The following ASCC3 variants were observed in gnomAD, a reference collection of about 807,000 sequenced individuals.
ASCC3 encodes the protein activating signal cointegrator 1 complex subunit 3.
ASCC3 carries 158 observed loss-of-function variants against 256.3 expected under a neutral mutation model. That is an observed-to-expected ratio of 0.62 (90% confidence interval 0.54 to 0.70). The LOEUF (loss-of-function observed/expected upper bound fraction) is 0.70. ASCC3 is among the 30% of genes least tolerant of loss of function. The pLI is 0.00. For synonymous variants in ASCC3, 948 were observed against 883.4 expected (o/e 1.07, Z -1.30); for missense variants, 2,259 against 2,626.0 (o/e 0.86, Z 3.05).
chr6:100,845,995 T>C (rs916278707), intron 4 of ASCC3, among the ~76,000 whole-genome samples: 4 of 152,148 alleles, frequency 2.6e-5, no homozygotes, highest in African/African-American at 9.6e-5. Flanking sequence ...GCACACAGCA[T>C]GCTACATAAA....
chr6:100,584,641 T>G (rs967010350), intron 36 of ASCC3, among the ~76,000 whole-genome samples: 6 of 152,124 alleles, frequency 3.9e-5, no homozygotes, highest in East Asian at 1.9e-4. Flanking sequence ...GTTAGCTGGT[T>G]ATTTTGCTCA....
intron 32 of ASCC3, among the ~76,000 whole-genome samples, chr6:100,606,368 A>G (rs1160708684): frequency 6.6e-6 from 1 of 152,120 alleles, no homozygotes; most frequent in South Asian, 2.1e-4. Context: ...TGGAGGTATC[A>G]TTTCTAGTGA....
Position 100,650,497 on chromosome 6 carries a change from T to C in ASCC3, c.3252+41A>G, listed in dbSNP as rs2273568. ...AATTAACACCTTGGTCCTCTAAATA[T>C]ATTCAAGGAAGAGAAAACTGGAAGG... is the stretch of plus-strand genomic sequence containing the variant. On this transcript the variant is annotated intron_variant, in intron 20 of 41. Transcript: ENST00000369162. 1.7e-3 allele frequency: 2,707 copies of C among 1,594,880 alleles called. 92 individuals are homozygous for C. The East Asian group carries it at 0.054, about 32-fold the overall frequency.
chr6:100,640,473 G>T (rs989142670), intron 24 of ASCC3, among the ~76,000 whole-genome samples: 12 of 151,992 alleles, frequency 7.9e-5, no homozygotes, highest in Admixed American at 5.9e-4. Flanking sequence ...TATAAATAGG[G>T]TGATACATTC....
intron 36 of ASCC3, among the ~76,000 whole-genome samples, chr6:100,573,844 C>G (rs1195926235): frequency 6.6e-6 from 1 of 152,024 alleles, no homozygotes; most frequent in Non-Finnish European, 1.5e-5. Context: ...CTTATATAAA[C>G]CCAATAAAGA....
intron 17 of ASCC3, among the ~76,000 whole-genome samples, chr6:100,653,880 C>G (rs1046070142): frequency 1.3e-5 from 2 of 151,824 alleles, no homozygotes; most frequent in African/African-American, 4.8e-5. Flanking sequence ...TTAAGGAACA[C>G]TCTGTAGTCA....
intron 3 of ASCC3, among the ~76,000 whole-genome samples, chr6:100,850,144 A>ATTAT (rs1772595206): frequency 1.3e-5 from 2 of 149,764 alleles, no homozygotes; most frequent in South Asian, 2.1e-4. Context: ...CTCCAGTATC[A>ATTAT]TTATTCACAA....
At chr6:100,804,794 C>A (rs1336444934) in intron 5 of ASCC3, among the ~76,000 whole-genome samples, 1 of 152,140 alleles carries the variant, frequency 6.6e-6, no homozygotes. Context: ...CATTTATATA[C>A]TGTTGGTGGG....
Position 100,629,175 on chromosome 6 carries a change from A to C in ASCC3, c.4215T>G (p.Ile1405Met). 6.2e-7 allele frequency: 1 copy of C among 1,613,180 alleles called. No homozygotes were observed. The highest frequency in any genetic ancestry group is 1.3e-5 in the African/African-American group (1 of 75,018). The change falls in exon 27 of 42, where the codon ATT becomes ATG. Residue 1405 changes from isoleucine to methionine, a missense_variant. Ile to Met is a conservative substitution (Grantham distance 10). This residue lies in a region of ASCC3 where 1,839 missense variants were observed against 2,206.7 expected (regional missense o/e 0.83). Transcript: ENST00000369162. ...CAGGAGTCACATCCCCTGTTAGTTCAATAACTCTGGAGGGAAATATAACAA... is the reference window on the plus strand; with the variant it reads ...CAGGAGTCACATCCCCTGTTAGTTCCATAACTCTGGAGGGAAATATAACAA... ...RIEEKLGKKV[I>M]ELTGDVTPDM...
chr6:100,671,884 G>A (rs942766609), intron 14 of ASCC3, among the ~76,000 whole-genome samples: 14 of 152,040 alleles, frequency 9.2e-5, no homozygotes, highest in Non-Finnish European at 2.1e-4. Flanking sequence ...AAGCAACTGA[G>A]GGTATTACAT....
At chr6:100,725,767 TACTC>T (rs143884344) in intron 10 of ASCC3, 64 bp from the exon 11 acceptor site, 7 of 1,576,974 alleles carry the variant, frequency 4.4e-6, no homozygotes, top group African/African-American at 1.3e-5. Flanking sequence ...TGAACTGTGA[TACTC>T]AGAAAGAAAT....
At position 100,629,330 on chromosome 6, in the gene ASCC3, C is replaced by G. The variant is rs1582593973; in HGVS notation, c.4209-149G>C. 4 of 705,792 alleles carry G rather than the reference C, an allele frequency of 5.7e-6. No homozygotes were observed. In the East Asian group the frequency reaches 1.1e-4, roughly 19 times the overall value. The allele number at this position is 705,792 out of a possible 1,614,324, so 43.7% of individuals were successfully genotyped here. A position where few individuals can be genotyped will look rare whatever the true frequency, so the allele number is the denominator to read the frequency against. ...ATTTTTGAAATTTTCCAAGTTGAGTCCAAAATGTACATTTCTTAAGAACTC... is the reference window on the plus strand; with the variant it reads ...ATTTTTGAAATTTTCCAAGTTGAGTGCAAAATGTACATTTCTTAAGAACTC... On this transcript the variant is annotated intron_variant, in intron 26 of 41. Transcript: ENST00000369162.
Position 100,642,609 on chromosome 6 carries a change from A to G in ASCC3, c.3873T>C (p.Ile1291=). ...AVCIINFQHL[I]LPERHPPHTE... is the part of the protein sequence containing the mutation. ...TATGAGGAGGATGTCTCTCTGGTAGAATTAGATGTTGAAAGTTGATAATAC... is the reference window on the plus strand; with the variant it reads ...TATGAGGAGGATGTCTCTCTGGTAGGATTAGATGTTGAAAGTTGATAATAC... The change falls in exon 24 of 42, where the codon ATT becomes ATC. Residue 1291 remains isoleucine, a synonymous_variant. Transcript: ENST00000369162. 1 of 1,613,968 alleles carries G rather than the reference A, an allele frequency of 6.2e-7. No homozygotes were observed. The highest frequency in any genetic ancestry group is 8.5e-7 in the Non-Finnish European group (1 of 1,179,888).
rs146179155 is a variant in ASCC3, at chr6:100,724,508, C to A, written c.1902+1031G>T. 2.0e-5 allele frequency among the ~76,000 whole-genome samples: 3 copies of A among 151,568 alleles called. No individual in the cohort carries two copies. In the East Asian group the frequency reaches 5.8e-4, roughly 29 times the overall value. On this transcript the variant is annotated intron_variant, in intron 11 of 41. Coordinates refer to ENST00000369162, the MANE Select transcript of ASCC3 (RefSeq NM_006828.4). Reference sequence around the variant, plus strand: ...ATCCTTTTAAGTCAAAAAGACAGTGCCCACTGAGAGAGAACTTAAAGACAT... The same window carrying A: ...ATCCTTTTAAGTCAAAAAGACAGTGACCACTGAGAGAGAACTTAAAGACAT...
At chr6:100,522,257 A>C (rs1273675789) in intron 37 of ASCC3, among the ~76,000 whole-genome samples, 1 of 152,100 alleles carries the variant, frequency 6.6e-6, no homozygotes, top group Non-Finnish European at 1.5e-5. Context: ...AATCAATTTC[A>C]GTGAGTTGTT....
chr6:100,692,760 A>G (rs1048303608), intron 13 of ASCC3, among the ~76,000 whole-genome samples: 1 of 152,058 alleles, frequency 6.6e-6, no homozygotes, highest in Admixed American at 6.6e-5. Flanking sequence ...CCAAAGCATA[A>G]GCATATTTCA....
chr6:100,712,751 C>CTTTTTTTTTT (rs58286754), intron 13 of ASCC3, among the ~76,000 whole-genome samples: 1 of 69,738 alleles, frequency 1.4e-5, no homozygotes, highest in Non-Finnish European at 2.6e-5. Flanking sequence ...CAATTATACT[C>CTTTTTTTTTT]TTTTTTTTTT....
intron 8 of ASCC3, among the ~76,000 whole-genome samples, chr6:100,783,619 C>A (rs1399436805): frequency 6.6e-6 from 1 of 152,166 alleles, no homozygotes; most frequent in East Asian, 1.9e-4. Context: ...CATACCTCCA[C>A]ATTGTAACGT....
chr6:100,544,491 A>G (rs1157228935), intron 36 of ASCC3, among the ~76,000 whole-genome samples: 2 of 152,080 alleles, frequency 1.3e-5, no homozygotes, highest in African/African-American at 4.8e-5. Context: ...ACATAACTAC[A>G]GGTTTTACAG....
Sources: allele counts gnomAD v4.1 joint callset (sites outside exome capture counted in the v4.1 genomes callset), GRCh38; gene constraint gnomAD v4.1.1; regional missense constraint gnomAD v4.1.1; transcripts MANE v1.5; gene names NCBI Gene and HGNC (gene_info 2026-07-23, HGNC 2026-07-21).